TNFRSF19: variants seen among roughly 807,000 people sequenced by gnomAD.
The protein encoded by TNFRSF19 is tumor necrosis factor receptor superfamily member 19.
TNFRSF19 carries 27 observed loss-of-function variants against 46.4 expected under a neutral mutation model. The observed-to-expected ratio is 0.58, with a 90% confidence interval of 0.43 to 0.80. TNFRSF19 has a LOEUF of 0.80. TNFRSF19 is among the 30% of genes least tolerant of loss of function. The pLI is 0.00. For synonymous variants in TNFRSF19, 204 were observed against 205.0 expected, an observed-to-expected ratio of 1.00 and a Z score of 0.04; for missense variants, 511 against 530.8, an observed-to-expected ratio of 0.96 and a Z score of 0.37.
intron 7 of TNFRSF19, among the ~76,000 whole-genome samples, chr13:23,664,744 T>A (rs893315023): frequency 6.6e-6 from 1 of 152,164 alleles, no homozygotes; most frequent in Non-Finnish European, 1.5e-5. Flanking sequence ...CCTTGTAGAG[T>A]GCACACAAAG....
At chr13:23,598,428 C>T (rs1052620660) in intron 3 of TNFRSF19, among the ~76,000 whole-genome samples, 4 of 152,150 alleles carry the variant, frequency 2.6e-5, no homozygotes, top group African/African-American at 4.8e-5. Context: ...ATCATGAATG[C>T]TACTACTTAC....
At chr13:23,581,131 T>C (rs77391976) in intron 1 of TNFRSF19, among the ~76,000 whole-genome samples, 9 of 139,086 alleles carry the variant, frequency 6.5e-5, no homozygotes, top group South Asian at 2.5e-4. Flanking sequence ...TTTTTTCTTT[T>C]CTTTTTTTTT....
At chr13:23,649,202 G>C (rs1231174537) in intron 5 of TNFRSF19, among the ~76,000 whole-genome samples, 1 of 152,138 alleles carries the variant, frequency 6.6e-6, no homozygotes, top group Admixed American at 6.6e-5. Flanking sequence ...CTGTCAGGTT[G>C]TGGGCTTTTC....
chr13:23,599,489 A>T (rs538365185), intron 3 of TNFRSF19, among the ~76,000 whole-genome samples: 1 of 152,246 alleles, frequency 6.6e-6, no homozygotes, highest in South Asian at 2.1e-4. Context: ...ATTACTCAAC[A>T]TTGGTTCAGT....
intron 7 of TNFRSF19, among the ~76,000 whole-genome samples, chr13:23,661,510 C>T (rs186199017): frequency 2.4e-4 from 36 of 152,318 alleles, no homozygotes; most frequent in Non-Finnish European, 4.6e-4. Context: ...CATTCATGTG[C>T]ATGTGTCTTT....
intron 9 of TNFRSF19, among the ~76,000 whole-genome samples, chr13:23,671,392 T>C (rs895423356): frequency 1.3e-5 from 2 of 152,142 alleles, no homozygotes; most frequent in Non-Finnish European, 2.9e-5. Flanking sequence ...TAAATCTAAG[T>C]ATGACATTGA....
intron 9 of TNFRSF19, among the ~76,000 whole-genome samples, chr13:23,673,088 G>T (rs764183910): frequency 6.6e-6 from 1 of 152,170 alleles, no homozygotes; most frequent in Non-Finnish European, 1.5e-5. Context: ...CAAAAGAATT[G>T]TTGTTAATAC....
At chr13:23,640,540 G>C (rs1882976143) in intron 5 of TNFRSF19, among the ~76,000 whole-genome samples, 1 of 152,194 alleles carries the variant, frequency 6.6e-6, no homozygotes, top group African/African-American at 2.4e-5. Flanking sequence ...ATAAATGCTA[G>C]GCTGGGCCAG....
Position 23,594,572 on chromosome 13 carries a change from G to A in TNFRSF19, c.180+1117G>A, listed in dbSNP as rs142221058. Among the ~76,000 whole-genome samples the A allele has an allele frequency of 6.1e-4, 93 of 152,316 alleles. 1 individual carries two copies. The highest frequency in any genetic ancestry group is 2.1e-3 in the African/African-American group (89 of 41,584). ...TTTCTAGATTCCTCCTCTCTGGGGA[G>A]GGCATCCCTGAAAGAAAGGGAAAGA... On this transcript the variant is annotated intron_variant, in intron 3 of 9. Transcript: ENST00000248484.
intron 4 of TNFRSF19, among the ~76,000 whole-genome samples, chr13:23,617,606 G>A (rs115602014): frequency 6.6e-6 from 1 of 152,166 alleles, no homozygotes. Context: ...AGAAGAGAGA[G>A]GAAGCAGAAA....
At chr13:23,649,326 T>C (rs1162055792) in intron 5 of TNFRSF19, among the ~76,000 whole-genome samples, 1 of 152,176 alleles carries the variant, frequency 6.6e-6, no homozygotes, top group Non-Finnish European at 1.5e-5. Context: ...TTTTCCATTT[T>C]ATCTAATTTG....
intron 4 of TNFRSF19, among the ~76,000 whole-genome samples, 193 bp from the exon 5 acceptor site, chr13:23,626,514 C>T (rs560673722): frequency 3.3e-5 from 5 of 151,932 alleles, no homozygotes; most frequent in Non-Finnish European, 7.4e-5. Flanking sequence ...TGCAAAGTTA[C>T]GTTTAGGGGA....
intron 5 of TNFRSF19, among the ~76,000 whole-genome samples, chr13:23,634,649 A>G (rs1882560756): frequency 6.6e-6 from 1 of 152,226 alleles, no homozygotes; most frequent in Non-Finnish European, 1.5e-5. Context: ...CTTAAAATAA[A>G]TGTGAGCTTA....
intron 3 of TNFRSF19, among the ~76,000 whole-genome samples, chr13:23,612,759 A>C (rs941370626): frequency 7.9e-5 from 12 of 152,248 alleles, no homozygotes; most frequent in African/African-American, 2.9e-4. Context: ...GGATATGATC[A>C]ATGAATTTTA....
intron 5 of TNFRSF19, among the ~76,000 whole-genome samples, chr13:23,640,053 T>A (rs1340660852): frequency 1.3e-5 from 2 of 152,048 alleles, no homozygotes; most frequent in Non-Finnish European, 2.9e-5. Flanking sequence ...ACTAAGACAC[T>A]GTAGTGCTGT....
intron 9 of TNFRSF19, among the ~76,000 whole-genome samples, chr13:23,670,438 A>G (rs1215096664): frequency 6.6e-6 from 1 of 152,240 alleles, no homozygotes; most frequent in African/African-American, 2.4e-5. Context: ...ATGGAGAAGT[A>G]AGAGAAGGGA....
intron 2 of TNFRSF19, 37 bp from the exon 3 acceptor site, chr13:23,593,308 A>G (rs1879449766): frequency 7.6e-7 from 1 of 1,316,114 alleles, no homozygotes; most frequent in Admixed American, 2.4e-5. Context: ...TGTTTAACAT[A>G]CTTTAAGATA....
intron 3 of TNFRSF19, among the ~76,000 whole-genome samples, chr13:23,610,916 T>C (rs545857934): frequency 6.6e-6 from 1 of 152,294 alleles, no homozygotes; most frequent in Admixed American, 6.5e-5. Context: ...GCGTACTTCC[T>C]TCAAGCTTTT....
intron 5 of TNFRSF19, among the ~76,000 whole-genome samples, chr13:23,653,090 GC>G (rs1357424148): frequency 1.3e-5 from 2 of 152,168 alleles, no homozygotes; most frequent in Admixed American, 1.3e-4. Flanking sequence ...CCAGCTTCCT[GC>G]CCCCTGTGCT....
Sources: gnomAD v4.1 joint callset for allele counts (sites outside exome capture counted in the v4.1 genomes callset) on GRCh38, gnomAD v4.1.1 for gene constraint, MANE v1.5 for transcripts, NCBI Gene and HGNC (gene_info 2026-07-23, HGNC 2026-07-21) for gene names.